CFAP92: variants seen among roughly 807,000 people sequenced by gnomAD.
CFAP92 encodes uncharacterized protein CFAP92.
CFAP92 carries 86 observed loss-of-function variants against 106.3 expected under a neutral mutation model. The ratio of observed to expected loss-of-function variants is 0.81; its 90% confidence interval spans 0.68 to 0.97. The LOEUF is 0.97. Ranked by LOEUF, CFAP92 falls within the 50% of genes least tolerant of loss-of-function variation. The pLI is 0.00. For synonymous variants in CFAP92, 477 were observed against 506.4 expected (o/e 0.94, Z 0.78); for missense variants, 1,204 against 1,283.8 (o/e 0.94, Z 0.95).
intron 7 of CFAP92, among the ~76,000 whole-genome samples, chr3:128,972,687 C>T (rs1942887656): frequency 1.3e-5 from 2 of 151,714 alleles, no homozygotes; most frequent in South Asian, 4.2e-4. Context: ...GAAACCCCAT[C>T]TTTACTAAAA....
the CFAP92 span, among the ~76,000 whole-genome samples, chr3:129,026,458 C>T: frequency 2.0e-5 from 3 of 152,222 alleles, no homozygotes; most frequent in African/African-American, 7.2e-5. Context: ...AAGTCCCTTA[C>T]CTGCTGACAT....
At chr3:128,926,049 C>A (rs1164176756) in intron 12 of CFAP92, among the ~76,000 whole-genome samples, 3 of 152,200 alleles carry the variant, frequency 2.0e-5, no homozygotes, top group African/African-American at 7.2e-5. Context: ...ACACATCTAA[C>A]AACTCATTTG....
chr3:129,007,886 T>G, the CFAP92 span, among the ~76,000 whole-genome samples: 7 of 152,244 alleles, frequency 4.6e-5, no homozygotes, highest in Admixed American at 2.6e-4. Context: ...TCTGTAGCAT[T>G]CAACCATACT....
At chr3:128,978,878 T>A (rs1287888448) in intron 4 of CFAP92, among the ~76,000 whole-genome samples, 1 of 152,198 alleles carries the variant, frequency 6.6e-6, no homozygotes, top group Non-Finnish European at 1.5e-5. Context: ...GCATTACCAT[T>A]CAGGACATAG....
chr3:128,987,139 C>G (rs866315194), intron 4 of CFAP92, among the ~76,000 whole-genome samples: 3 of 151,810 alleles, frequency 2.0e-5, no homozygotes, highest in African/African-American at 7.3e-5. Flanking sequence ...CCAGCCTGGG[C>G]GACAGAGCGA....
At chr3:128,977,996 C>T in intron 5 of CFAP92, 49 bp downstream of exon 5, 1 of 1,609,612 alleles carries the variant, frequency 6.2e-7, no homozygotes, top group Non-Finnish European at 8.5e-7. Flanking sequence ...ACCGCTTTCC[C>T]TGCCATCGCC....
intron 9 of CFAP92, among the ~76,000 whole-genome samples, chr3:128,962,843 G>A (rs1409761900): frequency 6.6e-6 from 1 of 152,120 alleles, no homozygotes; most frequent in African/African-American, 2.4e-5. Context: ...CAGAATCTGC[G>A]CCTTATCAAC....
chr3:128,910,716 T>C, intron 15 of CFAP92: 6 of 1,613,988 alleles, frequency 3.7e-6, no homozygotes, highest in Non-Finnish European at 3.4e-6. Flanking sequence ...TTTGGGCATA[T>C]CTTTTCTGTC....
At chr3:129,004,112 C>T (rs1304872550), upstream of CFAP92, 2 of 1,458,044 alleles carry the variant, frequency 1.4e-6, no homozygotes, top group South Asian at 1.3e-5. Flanking sequence ...CCCAAGTTCC[C>T]CAATTCGGCT....
intron 1 of CFAP92, chr3:129,002,368 G>A: frequency 1.3e-6 from 2 of 1,486,986 alleles, no homozygotes; most frequent in Non-Finnish European, 8.9e-7. Context: ...CCCGGGAGAG[G>A]GCTCGAACTA....
the CFAP92 span, among the ~76,000 whole-genome samples, chr3:129,016,265 A>G: frequency 1.3e-5 from 2 of 152,204 alleles, no homozygotes; most frequent in South Asian, 4.1e-4. Flanking sequence ...GGTAAGGGAC[A>G]TTATCCTGGC....
At chr3:128,977,458 A>G (rs1029717138) in intron 5 of CFAP92, among the ~76,000 whole-genome samples, 2 of 152,164 alleles carry the variant, frequency 1.3e-5, no homozygotes, top group Non-Finnish European at 2.9e-5. Flanking sequence ...CCACACTACA[A>G]TGTTACATAG....
intron 9 of CFAP92, among the ~76,000 whole-genome samples, chr3:128,960,672 C>T (rs1056300628): frequency 1.2e-4 from 19 of 152,366 alleles, no homozygotes; most frequent in African/African-American, 3.4e-4. Flanking sequence ...CACGCAGGGA[C>T]GCCTGCCTTG....
upstream of CFAP92, among the ~76,000 whole-genome samples, chr3:129,005,626 G>A (rs957953901): frequency 1.5e-4 from 23 of 152,220 alleles, no homozygotes; most frequent in Non-Finnish European, 2.4e-4. Flanking sequence ...CCAGTGAGGG[G>A]CTCCTGCCAT....
chr3:128,949,463 C>T (rs974128181), intron 9 of CFAP92, among the ~76,000 whole-genome samples: 25 of 152,228 alleles, frequency 1.6e-4, no homozygotes, highest in African/African-American at 6.0e-4. Flanking sequence ...ACATTGTTAT[C>T]TGCTGAATCA....
rs1324419298 is a variant in CFAP92 at position 128,993,128 on chromosome 3, A to G, written c.177T>C (p.Ser59=). The G allele has an allele frequency of 6.2e-7, 1 of 1,613,970 alleles. No homozygotes were observed. Among genetic ancestry groups the G allele is most frequent in the African/African-American group, 1.3e-5 (1 of 74,956 alleles). Residue 59 remains serine (S), a synonymous_variant, in exon 2 of 16, where the codon TCT becomes TCC. Transcript: ENST00000645291. ...CGGAGCTGAAAGTGCTGGCAGGCTC[A>G]GATGAGGACTCGATGCTGCTGCACG... ...DRPCSSIESS[S]EPASTFSSDV...
the CFAP92 span, among the ~76,000 whole-genome samples, chr3:129,012,439 G>C: frequency 6.6e-6 from 1 of 152,062 alleles, no homozygotes; most frequent in Non-Finnish European, 1.5e-5. Flanking sequence ...GTCCCTGCCT[G>C]GTTCTACTCG....
chr3:128,935,322 G>C lies in CFAP92; in HGVS notation c.2259-3C>G, dbSNP rs1938877712. ...TCCTGTGTTCTGACCTGGGAATCCT[G>C]CAAGAGACAGAAGGCCAAGAGCTAA... On this transcript the variant is annotated splice_region_variant and splice_polypyrimidine_tract_variant and intron_variant, in intron 10 of 15. Transcript: ENST00000645291. 1 of 1,493,494 alleles carries C rather than the reference G, an allele frequency of 6.7e-7. No homozygotes were observed. Among genetic ancestry groups the C allele is most frequent in the African/African-American group, 1.4e-5 (1 of 72,148 alleles). 92.5% of individuals were successfully genotyped at this position (1,493,494 alleles called of 1,614,324 possible).
intron 12 of CFAP92, among the ~76,000 whole-genome samples, chr3:128,926,039 A>G (rs2107693643): frequency 6.6e-6 from 1 of 152,400 alleles, no homozygotes; most frequent in South Asian, 2.1e-4. Context: ...GGGAAAAGAT[A>G]CACATCTAAC....
Sources: gnomAD v4.1 joint callset for allele counts (sites outside exome capture counted in the v4.1 genomes callset) on GRCh38, gnomAD v4.1.1 for gene constraint, MANE v1.5 for transcripts, NCBI Gene and HGNC (gene_info 2026-07-23, HGNC 2026-07-21) for gene names.